ZBTB20: variants seen among roughly 807,000 people sequenced by gnomAD.
ZBTB20 encodes the protein zinc finger and BTB domain containing 20, also known as zinc finger and BTB domain-containing protein 20.
In ZBTB20, 9 loss-of-function variants were observed where a neutral mutation model predicts 56.9. That is an observed-to-expected ratio of 0.16 (90% CI 0.10 to 0.28). The LOEUF (loss-of-function observed/expected upper bound fraction) is 0.28. ZBTB20 is among the 10% of genes least tolerant of loss of function. The pLI, the probability that ZBTB20 is intolerant of heterozygous loss-of-function variation, is 1.00. For missense variants in ZBTB20, 655 were observed against 1,003.0 expected, an observed-to-expected ratio of 0.65 and a Z score of 4.69; for synonymous variants, 417 against 420.7, an observed-to-expected ratio of 0.99 and a Z score of 0.11.
At chr3:114,816,599 G>T (rs1002471157) in intron 4 of ZBTB20, among the ~76,000 whole-genome samples, 1 of 152,072 alleles carries the variant, frequency 6.6e-6, no homozygotes, top group Non-Finnish European at 1.5e-5. Context: ...TAAAATGAAT[G>T]GGCCTATGAA....
At position 114,455,777 on chromosome 3, in the gene ZBTB20, G is replaced by A. The variant is rs12497534; in HGVS notation, c.-255+44575C>T. Among the ~76,000 whole-genome samples, 90 of 152,188 alleles carry A rather than the reference G, an allele frequency of 5.9e-4. 1 individual carries two copies. The highest frequency in any genetic ancestry group is 5.8e-3 in the Admixed American group (89 of 15,278). ...AACAATCCATCCATCCTCCTCTCCC[G>A]GGTGCACTCCAAGGTACAGTTAAAA... On this transcript the variant is annotated intron_variant, in intron 7 of 11. Transcript: ENST00000675478.
rs370355144 is a variant in ZBTB20, at chr3:114,442,145, T to C, written c.-254-53040A>G. Among the ~76,000 whole-genome samples the C allele has an allele frequency of 1.9e-3, 283 of 152,170 alleles. 1 individual carries two copies. The highest frequency in any genetic ancestry group is 6.3e-3 in the African/African-American group (263 of 41,498). On this transcript the variant is annotated intron_variant, in intron 7 of 11. Coordinates refer to ENST00000675478, the MANE Select transcript of ZBTB20 (RefSeq NM_001348800.3). ...TCAGTTTCCCCCTTTTAGATAACAA[T>C]TCAAGGTAAAGCCCAAGAGGCAATA...
chr3:114,978,477 A>G (rs2078196813), intron 2 of ZBTB20, among the ~76,000 whole-genome samples: 1 of 151,618 alleles, frequency 6.6e-6, no homozygotes, highest in Non-Finnish European at 1.5e-5. Context: ...GTAATAGGAT[A>G]TTAAGTGTTC....
At chr3:114,888,210 G>A (rs1474477349) in intron 4 of ZBTB20, among the ~76,000 whole-genome samples, 4 of 151,976 alleles carry the variant, frequency 2.6e-5, no homozygotes, top group Non-Finnish European at 4.4e-5. Flanking sequence ...TGGAGCCCAG[G>A]AGTTTGAGAC....
intron 2 of ZBTB20, among the ~76,000 whole-genome samples, chr3:115,025,274 C>T (rs959631735): frequency 2.6e-5 from 4 of 151,240 alleles, no homozygotes; most frequent in African/African-American, 9.7e-5. Flanking sequence ...GAGAAGAACA[C>T]GATCGCATTC....
intron 4 of ZBTB20, among the ~76,000 whole-genome samples, chr3:114,804,583 T>TTATA (rs1416865189): frequency 3.9e-5 from 6 of 151,972 alleles, no homozygotes; most frequent in African/African-American, 1.4e-4. Context: ...AGAAGGCTAA[T>TTATA]TATAATACTT....
chr3:114,445,884 C>A (rs538520359), intron 7 of ZBTB20, among the ~76,000 whole-genome samples: 1 of 152,160 alleles, frequency 6.6e-6, no homozygotes, highest in East Asian at 1.9e-4. Flanking sequence ...AATATTAAAT[C>A]TGTTCTATAT....
chr3:114,649,659 GA>G (rs1271565820), intron 6 of ZBTB20, among the ~76,000 whole-genome samples: 3 of 151,378 alleles, frequency 2.0e-5, no homozygotes, highest in South Asian at 2.1e-4. Flanking sequence ...TCTATATATA[GA>G]AAAAAAACAA....
chr3:114,520,669 T>G (rs1443160848), intron 6 of ZBTB20, among the ~76,000 whole-genome samples: 3 of 152,142 alleles, frequency 2.0e-5, no homozygotes, highest in Admixed American at 2.0e-4. Context: ...GACATTCATA[T>G]CTCCCTGTTT....
chr3:114,844,994 T>C (rs148146913), intron 4 of ZBTB20, among the ~76,000 whole-genome samples: 87 of 151,934 alleles, frequency 5.7e-4, no homozygotes, highest in Non-Finnish European at 8.7e-4. Context: ...TCTTTGCAAA[T>C]ATTTTCTTAC....
intron 10 of ZBTB20, among the ~76,000 whole-genome samples, chr3:114,367,557 C>T (rs143734268): frequency 6.6e-6 from 1 of 152,228 alleles, no homozygotes; most frequent in Non-Finnish European, 1.5e-5. Context: ...CCATGCCCAG[C>T]GTGAAAATCT....
chr3:115,062,214 T>C (rs368707632), intron 2 of ZBTB20, among the ~76,000 whole-genome samples: 3 of 152,166 alleles, frequency 2.0e-5, no homozygotes, highest in African/African-American at 4.8e-5. Flanking sequence ...CAATGCACCA[T>C]TGATGTTTGA....
At chr3:115,053,153 T>G (rs894807206) in intron 2 of ZBTB20, among the ~76,000 whole-genome samples, 1 of 152,202 alleles carries the variant, frequency 6.6e-6, no homozygotes, top group Non-Finnish European at 1.5e-5. Context: ...TATGTTGTTT[T>G]CCTGTGAATC....
chr3:114,403,971 C>A (rs1267767248), intron 7 of ZBTB20, among the ~76,000 whole-genome samples: 1 of 152,038 alleles, frequency 6.6e-6, no homozygotes, highest in African/African-American at 2.4e-5. Flanking sequence ...AGATTCTTTC[C>A]AGTAATAACA....
intron 4 of ZBTB20, among the ~76,000 whole-genome samples, chr3:114,843,685 A>AT (rs113924099): frequency 3.3e-5 from 5 of 150,370 alleles, no homozygotes; most frequent in African/African-American, 1.2e-4. Flanking sequence ...ATATATATAT[A>AT]TTTTTTTTTG....
At chr3:114,906,369 A>G (rs1253671213) in intron 3 of ZBTB20, among the ~76,000 whole-genome samples, 1 of 151,722 alleles carries the variant, frequency 6.6e-6, no homozygotes, top group Non-Finnish European at 1.5e-5. Flanking sequence ...AGGCAGAAAA[A>G]CTTCAAAAGC....
At chr3:114,874,123 G>A (rs2076107951) in intron 4 of ZBTB20, 1 of 152,062 alleles carries the variant, frequency 6.6e-6, no homozygotes, top group Admixed American at 6.6e-5. Flanking sequence ...AAAAGAAAAG[G>A]TAAATAAATA....
intron 6 of ZBTB20, among the ~76,000 whole-genome samples, chr3:114,656,957 T>C (rs1486628212): frequency 7.2e-5 from 11 of 152,346 alleles, no homozygotes; most frequent in African/African-American, 2.4e-4. Flanking sequence ...AACATATTTT[T>C]TTAAAATCCT....
chr3:115,088,852 T>C (rs775165032), intron 1 of ZBTB20, among the ~76,000 whole-genome samples: 16 of 151,868 alleles, frequency 1.1e-4, no homozygotes, highest in South Asian at 4.1e-4. Flanking sequence ...GGATATGCCA[T>C]GAAATTGTTG....
Sources: gnomAD v4.1 joint callset for allele counts (sites outside exome capture counted in the v4.1 genomes callset) on GRCh38, gnomAD v4.1.1 for gene constraint, MANE v1.5 for transcripts, NCBI Gene and HGNC (gene_info 2026-07-23, HGNC 2026-07-21) for gene names.